The following KCNQ2 variants were observed in gnomAD, a reference collection of about 807,000 sequenced individuals.
KCNQ2 encodes the protein potassium voltage-gated channel subfamily Q member 2.
KCNQ2 carries 14 observed loss-of-function variants against 84.8 expected under a neutral mutation model. The observed-to-expected ratio is 0.17, with a 90% CI of 0.11 to 0.26. The LOEUF is 0.26. Ranked by LOEUF, KCNQ2 falls within the 10% of genes least tolerant of loss-of-function variation. The pLI, the probability that KCNQ2 is intolerant of heterozygous loss-of-function variation, is 1.00. For synonymous variants in KCNQ2, 599 were observed against 554.1 expected (o/e 1.08, Z -1.14); for missense variants, 788 against 1,254.0 (o/e 0.63, Z 5.61).
intron 7 of KCNQ2, among the ~76,000 whole-genome samples, chr20:63,436,853 T>C (rs558154739): frequency 6.8e-6 from 1 of 147,466 alleles, no homozygotes; most frequent in East Asian, 2.1e-4. Flanking sequence ...CTCGGCTCAC[T>C]GCAACCTCCG....
intron 2 of KCNQ2, chr20:63,445,653 C>T (rs2081392123): frequency 7.4e-6 from 3 of 407,800 alleles, no homozygotes; most frequent in Non-Finnish European, 1.4e-5. Flanking sequence ...GGGACCATGT[C>T]TGAGCTGGCA....
Position 63,472,596 on chromosome 20 carries a change from G to A in KCNQ2, c.-133C>T, listed in dbSNP as rs942926157. On this transcript the variant is annotated 5_prime_UTR_variant, in exon 1 of 17. Transcript: ENST00000359125. ...GAGGCGGCGGTTCCGCACTCCTGCC[G>A]GGCTTGGGCCGCGCGCGGAGACGCT... is the stretch of plus-strand genomic sequence containing the variant. 2 of 722,922 alleles carry A rather than the reference G, an allele frequency of 2.8e-6. No individual in the cohort carries two copies. The highest frequency in any genetic ancestry group is 3.9e-5 in the African/African-American group (2 of 51,302). 44.8% of individuals were successfully genotyped at this position (722,922 alleles called of 1,614,324 possible). A position where few individuals can be genotyped will look rare whatever the true frequency, so the allele number is the denominator to read the frequency against.
In KCNQ2 at chr20:63,449,757, C is replaced by T. The variant is rs890920655; in HGVS notation, c.297-2920G>A. Among the ~76,000 whole-genome samples the T allele has an allele frequency of 5.2e-4, 79 of 152,322 alleles. 1 individual carries two copies. The highest frequency in any genetic ancestry group is 1.7e-3 in the African/African-American group (69 of 41,568). ...GGGAAGAGGGAAGCCCCAGTGTCTG[C>T]GGCCTGCAGGGAGACTTCTCAGACT... On this transcript the variant is annotated intron_variant, in intron 1 of 16. Transcript: ENST00000359125.
intron 15 of KCNQ2, 190 bp downstream of exon 15, chr20:63,413,260 A>ATGGGAG: frequency 1.5e-6 from 1 of 647,928 alleles, no homozygotes; most frequent in Admixed American, 2.8e-5. Context: ...TGGGGGAGAG[A>ATGGGAG]TGGGAGAGAC....
At chr20:63,456,930 G>C (rs771088288) in intron 1 of KCNQ2, among the ~76,000 whole-genome samples, 2 of 152,164 alleles carry the variant, frequency 1.3e-5, no homozygotes, top group African/African-American at 2.4e-5. Flanking sequence ...GAAAGCCAGC[G>C]TGAGGCCGGA....
intron 1 of KCNQ2, among the ~76,000 whole-genome samples, chr20:63,451,884 C>T (rs1358218639): frequency 2.0e-5 from 3 of 152,260 alleles, no homozygotes; most frequent in Non-Finnish European, 4.4e-5. Context: ...GCCTCTGCTG[C>T]ACGGCCCAGG....
At chr20:63,419,098 G>T (rs745333217) in intron 12 of KCNQ2, among the ~76,000 whole-genome samples, 1 of 151,994 alleles carries the variant, frequency 6.6e-6, no homozygotes, top group African/African-American at 2.4e-5. Flanking sequence ...CTCCTCCCCC[G>T]TCCTATTTCC....
In KCNQ2 at chr20:63,472,511, C is replaced by T. The variant is rs1480409991; in HGVS notation, c.-48G>A. 3.6e-6 allele frequency: 5 copies of T among 1,372,044 alleles called. No individual in the cohort carries two copies. The highest frequency in any genetic ancestry group is 4.7e-6 in the Non-Finnish European group (5 of 1,066,312). 85.0% of individuals were successfully genotyped at this position (1,372,044 alleles called of 1,614,324 possible). A position where few individuals can be genotyped will look rare whatever the true frequency, so the allele number is the denominator to read the frequency against. On this transcript the variant is annotated 5_prime_UTR_variant, in exon 1 of 17. Transcript: ENST00000359125. The stretch of plus-strand genomic sequence containing the variant: ...GGGTCGGGCTCAGGCTCAGCGGGGG[C>T]GGAGCGCGGGGGGCGGCGCGGGCCC...
intron 4 of KCNQ2, among the ~76,000 whole-genome samples, chr20:63,442,794 TTACCAC>T (rs772141667): frequency 6.8e-4 from 21 of 30,956 alleles, no homozygotes; most frequent in South Asian, 1.2e-3. Flanking sequence ...ACCATCACCA[TTACCAC>T]CACCATTACC....
chr20:63,442,332 T>C, intron 5 of KCNQ2, 74 bp downstream of exon 5: 1 of 1,603,096 alleles, frequency 6.2e-7, no homozygotes, highest in South Asian at 1.1e-5. Context: ...GCTCAGCCAG[T>C]GAGAGCCTGG....
rs149534958 is a variant in KCNQ2, at chr20:63,440,573, G to C, written c.817-865C>G. 8.9e-3 allele frequency among the ~76,000 whole-genome samples: 1,356 copies of C among 152,320 alleles called. 22 individuals carry two copies. The highest frequency in any genetic ancestry group is 0.03 in the African/African-American group (1,259 of 41,572). ...CCAGGACAGGCCCTGTGAGGGCAGAGTCTTAGATAAACAGACAGAGGGATC... is the reference window on the plus strand; with the variant it reads ...CCAGGACAGGCCCTGTGAGGGCAGACTCTTAGATAAACAGACAGAGGGATC... On this transcript the variant is annotated intron_variant, in intron 5 of 16. Transcript: ENST00000359125.
At chr20:63,465,086 C>T (rs1018951572) in intron 1 of KCNQ2, among the ~76,000 whole-genome samples, 2 of 152,244 alleles carry the variant, frequency 1.3e-5, no homozygotes, top group South Asian at 2.1e-4. Context: ...AAGCGACAGG[C>T]GCAGGTTTGG....
chr20:63,442,225 C>T (rs1442760130), intron 5 of KCNQ2, among the ~76,000 whole-genome samples, 181 bp downstream of exon 5: 5 of 150,482 alleles, frequency 3.3e-5, no homozygotes, highest in Admixed American at 3.3e-4. Context: ...TCCCCACCCA[C>T]TCCCCCGCCA....
At chr20:63,437,592 TCTC>T (rs1381680258) in intron 7 of KCNQ2, among the ~76,000 whole-genome samples, 1 of 152,206 alleles carries the variant, frequency 6.6e-6, no homozygotes, top group African/African-American at 2.4e-5. Context: ...CTGTGTCAAA[TCTC>T]CTTCTTATAA....
intron 8 of KCNQ2, 165 bp downstream of exon 8, chr20:63,433,644 G>A (rs1188510252): frequency 5.3e-6 from 7 of 1,329,370 alleles, no homozygotes; most frequent in Non-Finnish European, 7.4e-6. Context: ...ACAAAGGGCA[G>A]AAGCAACGCC....
Position 63,414,929 on chromosome 20 carries a change from C to G in KCNQ2, c.1499G>C (p.Gly500Ala). ...SRARQAFRIK[G>A]AASRQNSEEA... The stretch of plus-strand genomic sequence containing the variant: ...TTCTGAGTTCTGCCGTGACGCGGCA[C>G]CCTTGATGCGGAAAGCCTGGCGTGC... Residue 500 changes from glycine (G) to alanine (A), a missense_variant, in exon 13 of 17, where the codon GGT becomes GCT. Gly to Ala is a moderately conservative substitution (Grantham distance 60, BLOSUM62 0). This residue lies in a region of KCNQ2 where 202 missense variants were observed against 239.4 expected (regional missense o/e 0.84). Coordinates refer to ENST00000359125, the MANE Select transcript of KCNQ2 (RefSeq NM_172107.4). The surrounding 1 kb of genome is among the most constrained non-coding windows in gnomAD (Gnocchi z 6.6). 6.2e-7 allele frequency: 1 copy of G among 1,612,792 alleles called. No individual in the cohort carries two copies. Among genetic ancestry groups the G allele is most frequent in the South Asian group, 1.1e-5 (1 of 91,046 alleles).
rs373491180 is a variant in KCNQ2, at chr20:63,444,867, G to GT, written c.515-34_515-33insA. On this transcript the variant is annotated intron_variant, in intron 3 of 16. Transcript: ENST00000359125. ...GCGGGCGTGGAGCTGGTGAGCTGCT[G>GT]GGCCGCTCCCCGCACCCCCTTGGAG... is the stretch of plus-strand genomic sequence containing the variant. 2.3e-4 allele frequency: 353 copies of GT among 1,558,550 alleles called. 2 individuals are homozygous for GT. In the African/African-American group the frequency reaches 4.3e-3, roughly 19 times the overall value.
chr20:63,455,706 C>T (rs2081763231), intron 1 of KCNQ2, among the ~76,000 whole-genome samples: 1 of 151,948 alleles, frequency 6.6e-6, no homozygotes, highest in East Asian at 1.9e-4. Flanking sequence ...GGACCACAGT[C>T]CTGGGGCCCC....
chr20:63,452,438 C>A (rs768862870), intron 1 of KCNQ2, among the ~76,000 whole-genome samples: 1 of 152,188 alleles, frequency 6.6e-6, no homozygotes, highest in Non-Finnish European at 1.5e-5. Context: ...ACGACGCCCA[C>A]CCCCACGGCA....
Sources: allele counts gnomAD v4.1 joint callset (sites outside exome capture counted in the v4.1 genomes callset), GRCh38; gene constraint gnomAD v4.1.1; regional missense constraint gnomAD v4.1.1; non-coding constraint Gnocchi (gnomAD v3.1); transcripts MANE v1.5; gene names NCBI Gene and HGNC (gene_info 2026-07-23, HGNC 2026-07-21).